Variants in KIF6 observed in about 807,000 individuals in gnomAD.
KIF6 encodes the protein kinesin-like protein KIF6.
Under a neutral mutation model 112.7 loss-of-function variants are expected in KIF6, and 106 were observed. The ratio of observed to expected loss-of-function variants is 0.94; its 90% CI spans 0.80 to 1.11. KIF6 has a LOEUF of 1.11. KIF6 is among the 50% of genes least tolerant of loss of function. The probability of loss-of-function intolerance (pLI) is 0.00; values close to 1 mark genes in which losing one functional copy is unlikely to be tolerated. For synonymous variants in KIF6, 339 were observed against 339.9 expected (o/e 1.00, Z 0.03); for missense variants, 929 against 964.0 (o/e 0.96, Z 0.48).
At chr6:39,722,555 A>G in intron 1 of KIF6, among the ~76,000 whole-genome samples, 1 of 152,330 alleles carries the variant, frequency 6.6e-6, no homozygotes, top group Middle Eastern at 3.4e-3. Flanking sequence ...CCTTTTTATT[A>G]ATCTGTTATT....
intron 13 of KIF6, among the ~76,000 whole-genome samples, chr6:39,485,605 T>G (rs1034887037): frequency 3.9e-5 from 6 of 152,140 alleles, no homozygotes; most frequent in African/African-American, 1.4e-4. Context: ...ACAAAGCATC[T>G]TCCATTCTTC....
At chr6:39,557,060 C>T (rs1216781565) in intron 10 of KIF6, among the ~76,000 whole-genome samples, 1 of 151,714 alleles carries the variant, frequency 6.6e-6, no homozygotes, top group African/African-American at 2.4e-5. Context: ...TACATATGCA[C>T]ATATATATGT....
At chr6:39,358,151 C>T (rs946743703) in intron 18 of KIF6, among the ~76,000 whole-genome samples, 3 of 152,204 alleles carry the variant, frequency 2.0e-5, no homozygotes, top group Non-Finnish European at 4.4e-5. Flanking sequence ...CACAGCTGGT[C>T]TAAGTCTTGG....
At chr6:39,381,742 C>T (rs1766967893) in intron 16 of KIF6, among the ~76,000 whole-genome samples, 1 of 152,190 alleles carries the variant, frequency 6.6e-6, no homozygotes, top group Non-Finnish European at 1.5e-5. Context: ...AGAATGGCAG[C>T]TGGGAGATGT....
At chr6:39,562,570 A>G (rs953288333) in intron 10 of KIF6, among the ~76,000 whole-genome samples, 13 of 152,254 alleles carry the variant, frequency 8.5e-5, no homozygotes, top group African/African-American at 3.1e-4. Context: ...TCACCACTGT[A>G]AACCTCACAC....
intron 6 of KIF6, among the ~76,000 whole-genome samples, chr6:39,599,786 G>A (rs761923717): frequency 2.6e-5 from 4 of 152,142 alleles, no homozygotes; most frequent in Non-Finnish European, 5.9e-5. Context: ...CTCAACAGCT[G>A]TCTTTAGCTT....
chr6:39,679,050 C>A (rs149465402), intron 3 of KIF6, among the ~76,000 whole-genome samples: 3 of 152,152 alleles, frequency 2.0e-5, no homozygotes, highest in African/African-American at 2.4e-5. Flanking sequence ...ACAAAGCACA[C>A]GTTGAAATAA....
intron 13 of KIF6, among the ~76,000 whole-genome samples, chr6:39,493,272 T>C (rs933038710): frequency 3.3e-5 from 5 of 152,196 alleles, no homozygotes; most frequent in Non-Finnish European, 7.4e-5. Context: ...GTTCAACCCC[T>C]TCATTTTACA....
At chr6:39,592,436 C>G (rs1328326568) in intron 7 of KIF6, among the ~76,000 whole-genome samples, 1 of 152,208 alleles carries the variant, frequency 6.6e-6, no homozygotes, top group African/African-American at 2.4e-5. Context: ...AAACACAACA[C>G]ATTCAGTTGG....
chr6:39,337,154 CTTT>C (rs745518741), intron 22 of KIF6, among the ~76,000 whole-genome samples: 5,671 of 73,814 alleles, frequency 0.077, 515 homozygotes, highest in African/African-American at 0.082. Context: ...CTTTCTCTTT[CTTT>C]TCTTTCTTTC....
At chr6:39,537,866 G>C (rs1310687857) in intron 13 of KIF6, among the ~76,000 whole-genome samples, 4 of 152,152 alleles carry the variant, frequency 2.6e-5, no homozygotes, top group Non-Finnish European at 5.9e-5. Flanking sequence ...TACCAAAACA[G>C]AGATATAGAC....
chr6:39,572,848 T>C (rs1458000599), intron 10 of KIF6, among the ~76,000 whole-genome samples: 1 of 150,728 alleles, frequency 6.6e-6, no homozygotes, highest in Non-Finnish European at 1.5e-5. Flanking sequence ...AAAAATATCA[T>C]AATAACTGGA....
rs1763354490 is a variant in KIF6 at position 39,342,137 on chromosome 6, A to G, written c.2428+1572T>C. Among the ~76,000 whole-genome samples, 1 of 152,056 alleles carries G rather than the reference A, an allele frequency of 6.6e-6. No individual in the cohort carries two copies. Among genetic ancestry groups the G allele is most frequent in the Non-Finnish European group, 1.5e-5 (1 of 68,010 alleles). Reference sequence around the variant, plus strand: ...TGTGGCCAAGCAAAGCTTCCCCTTCAGGCTTCTCGCTTTCCGCTCTGTCTG... The same window carrying G: ...TGTGGCCAAGCAAAGCTTCCCCTTCGGGCTTCTCGCTTTCCGCTCTGTCTG... On this transcript the variant is annotated intron_variant, in intron 22 of 22. Coordinates refer to ENST00000287152, the MANE Select transcript of KIF6 (RefSeq NM_145027.6). The surrounding 1 kb of genome is among the most constrained non-coding windows in gnomAD (Gnocchi z 4.7).
chr6:39,512,676 T>C (rs971917400), intron 13 of KIF6, among the ~76,000 whole-genome samples: 3 of 152,192 alleles, frequency 2.0e-5, no homozygotes, highest in Non-Finnish European at 2.9e-5. Flanking sequence ...CCCATCAGAA[T>C]ACAGGCCCAC....
At chr6:39,489,759 G>A (rs762433167) in intron 13 of KIF6, among the ~76,000 whole-genome samples, 4 of 152,062 alleles carry the variant, frequency 2.6e-5, no homozygotes, top group African/African-American at 4.8e-5. Context: ...GAAACTACTC[G>A]ATACAAACCT....
At chr6:39,539,343 TTA>T (rs1284037575) in intron 13 of KIF6, among the ~76,000 whole-genome samples, 1 of 152,066 alleles carries the variant, frequency 6.6e-6, no homozygotes, top group Non-Finnish European at 1.5e-5. Context: ...GTCTGTGGTA[TTA>T]TTATTTTATT....
intron 14 of KIF6, among the ~76,000 whole-genome samples, chr6:39,424,661 C>T (rs920642112): frequency 3.9e-5 from 6 of 152,066 alleles, no homozygotes; most frequent in Admixed American, 2.6e-4. Context: ...AATGAGATGC[C>T]GTCAGGGCTG....
intron 4 of KIF6, among the ~76,000 whole-genome samples, chr6:39,636,572 T>G (rs2150761977): frequency 6.6e-6 from 1 of 152,130 alleles, no homozygotes. Context: ...CTAAAAAGAC[T>G]TGGTGTGGCT....
chr6:39,703,078 C>A (rs1248158962), intron 3 of KIF6, among the ~76,000 whole-genome samples: 4 of 39,372 alleles, frequency 1.0e-4, no homozygotes, highest in Admixed American at 3.9e-4. Context: ...TCCACCAACC[C>A]CCCACCCCCA....
Sources: gnomAD v4.1 joint callset for allele counts (sites outside exome capture counted in the v4.1 genomes callset) on GRCh38, gnomAD v4.1.1 for gene constraint, Gnocchi (gnomAD v3.1) non-coding constraint, MANE v1.5 for transcripts, NCBI Gene and HGNC (gene_info 2026-07-23, HGNC 2026-07-21) for gene names.